Variants in FHIT observed in about 807,000 individuals in gnomAD.
The protein encoded by FHIT is fragile histidine triad diadenosine triphosphatase.
In FHIT, 19 loss-of-function variants were observed where a neutral mutation model predicts 17.9. That is an observed-to-expected ratio of 1.06 (90% CI 0.74 to 1.56). FHIT has a LOEUF of 1.56. Among genes scored for constraint, FHIT ranks in the 40% most tolerant of loss-of-function variants. The probability of loss-of-function intolerance (pLI) is 0.00; values close to 1 mark genes in which losing one functional copy is unlikely to be tolerated. For missense variants in FHIT, 248 were observed against 189.2 expected (o/e 1.31, Z -1.82); for synonymous variants, 81 against 69.7 (o/e 1.16, Z -0.81).
intron 8 of FHIT, among the ~76,000 whole-genome samples, chr3:59,884,323 G>A (rs1266058245): frequency 6.6e-6 from 1 of 152,128 alleles, no homozygotes; most frequent in African/African-American, 2.4e-5. Flanking sequence ...GCAGTCAGAT[G>A]TATGAGGGTA....
At chr3:60,241,775 T>C (rs928227663) in intron 5 of FHIT, among the ~76,000 whole-genome samples, 2 of 152,094 alleles carry the variant, frequency 1.3e-5, no homozygotes, top group African/African-American at 4.8e-5. Flanking sequence ...TTAGTTTATC[T>C]TGCTTCTGTT....
intron 5 of FHIT, among the ~76,000 whole-genome samples, chr3:60,522,949 G>A (rs1469581679): frequency 6.6e-6 from 1 of 152,146 alleles, no homozygotes; most frequent in Non-Finnish European, 1.5e-5. Flanking sequence ...ATAGTTCCAC[G>A]TGGCTGGGGA....
At chr3:61,027,820 A>G (rs1010973792) in intron 3 of FHIT, among the ~76,000 whole-genome samples, 41 of 152,252 alleles carry the variant, frequency 2.7e-4, no homozygotes, top group African/African-American at 9.9e-4. Context: ...AGGATTTACA[A>G]TCAAGAGTAG....
chr3:59,989,068 A>G (rs1018803106), intron 7 of FHIT, among the ~76,000 whole-genome samples: 2 of 152,062 alleles, frequency 1.3e-5, no homozygotes, highest in Non-Finnish European at 1.5e-5. Flanking sequence ...CTCAGGCTTT[A>G]AAGAGGTTCT....
intron 8 of FHIT, among the ~76,000 whole-genome samples, chr3:59,888,604 T>A (rs753083124): frequency 6.6e-6 from 1 of 152,202 alleles, no homozygotes; most frequent in Non-Finnish European, 1.5e-5. Flanking sequence ...TAGCTCTATA[T>A]CAGAAAGGAA....
chr3:59,993,716 C>T (rs1397477052), intron 7 of FHIT, among the ~76,000 whole-genome samples: 1 of 151,766 alleles, frequency 6.6e-6, no homozygotes, highest in Non-Finnish European at 1.5e-5. Context: ...CACTAGGACT[C>T]CCCCAACATT....
At chr3:60,357,230 T>C (rs1301313448) in intron 5 of FHIT, among the ~76,000 whole-genome samples, 1 of 152,090 alleles carries the variant, frequency 6.6e-6, no homozygotes, top group Non-Finnish European at 1.5e-5. Flanking sequence ...GTTTCTGAGA[T>C]GGAGTTTTTC....
chr3:61,242,533 C>T (rs577577103), intron 1 of FHIT, among the ~76,000 whole-genome samples: 13 of 152,244 alleles, frequency 8.5e-5, no homozygotes, highest in Non-Finnish European at 1.8e-4. Flanking sequence ...TTGTAACCAC[C>T]CAACAGGTTC....
chr3:61,158,833 G>A (rs181031503), intron 2 of FHIT, among the ~76,000 whole-genome samples: 7 of 152,232 alleles, frequency 4.6e-5, no homozygotes, highest in African/African-American at 2.4e-5. Flanking sequence ...TCAGGCAGGG[G>A]AATCACATTG....
intron 3 of FHIT, among the ~76,000 whole-genome samples, chr3:60,984,539 G>A (rs1265227257): frequency 2.0e-5 from 3 of 152,172 alleles, no homozygotes; most frequent in Non-Finnish European, 4.4e-5. Flanking sequence ...CACTGGATCT[G>A]ATATTTAAGC....
chr3:59,841,597 T>C (rs1054439037), intron 8 of FHIT, among the ~76,000 whole-genome samples: 1 of 152,118 alleles, frequency 6.6e-6, no homozygotes, highest in South Asian at 2.1e-4. Context: ...CCCACTCCTG[T>C]TTCTGCCCCT....
chr3:60,331,972 G>T (rs1710000486), intron 5 of FHIT, among the ~76,000 whole-genome samples: 1 of 151,846 alleles, frequency 6.6e-6, no homozygotes, highest in Admixed American at 6.6e-5. Context: ...GAATGCACTT[G>T]TCCTTCCTCA....
intron 5 of FHIT, among the ~76,000 whole-genome samples, chr3:60,403,967 A>T (rs1040200157): frequency 6.6e-6 from 1 of 152,188 alleles, no homozygotes; most frequent in Non-Finnish European, 1.5e-5. Context: ...CTAAAAGGAC[A>T]GAACTTTGCA....
chr3:60,289,132 G>A (rs577284220), intron 5 of FHIT, among the ~76,000 whole-genome samples: 10 of 152,228 alleles, frequency 6.6e-5, no homozygotes, highest in African/African-American at 2.4e-4. Flanking sequence ...AAAAGAAAGA[G>A]GAGGAAAGAA....
At chr3:60,293,523 G>T (rs1003601431) in intron 5 of FHIT, among the ~76,000 whole-genome samples, 1 of 152,132 alleles carries the variant, frequency 6.6e-6, no homozygotes, top group Non-Finnish European at 1.5e-5. Context: ...ACTTAATGGG[G>T]AAGGAGGTCA....
At chr3:60,684,373 T>C (rs1183840164) in intron 4 of FHIT, among the ~76,000 whole-genome samples, 1 of 152,156 alleles carries the variant, frequency 6.6e-6, no homozygotes, top group African/African-American at 2.4e-5. Context: ...AGAAATTTGA[T>C]GTGGATACGT....
intron 5 of FHIT, among the ~76,000 whole-genome samples, chr3:60,325,036 T>C (rs922836628): frequency 6.6e-5 from 10 of 152,172 alleles, no homozygotes; most frequent in Non-Finnish European, 1.3e-4. Context: ...AATATATCCC[T>C]GGAATTTTCA....
At chr3:59,792,954 A>G (rs1284464114) in intron 8 of FHIT, among the ~76,000 whole-genome samples, 1 of 151,550 alleles carries the variant, frequency 6.6e-6, no homozygotes, top group Non-Finnish European at 1.5e-5. Context: ...ATAGCACCTC[A>G]CAGGTTCCAC....
At chr3:60,677,126 C>G (rs962365829) in intron 4 of FHIT, among the ~76,000 whole-genome samples, 2 of 152,204 alleles carry the variant, frequency 1.3e-5, no homozygotes, top group Non-Finnish European at 1.5e-5. Flanking sequence ...ATCTGCCCGC[C>G]TGGGCCTCCC....
Sources: allele counts gnomAD v4.1 joint callset (sites outside exome capture counted in the v4.1 genomes callset), GRCh38; gene constraint gnomAD v4.1.1; transcripts MANE v1.5; gene names NCBI Gene and HGNC (gene_info 2026-07-23, HGNC 2026-07-21).